CSMD1: variants seen among roughly 807,000 people sequenced by gnomAD.
The protein encoded by CSMD1 is CUB and sushi domain-containing protein 1.
In CSMD1, 213 loss-of-function variants were observed where a neutral mutation model predicts 417.5. That is an observed-to-expected ratio of 0.51 (90% CI 0.46 to 0.57). The LOEUF is 0.57. Ranked by LOEUF, CSMD1 falls within the 20% of genes least tolerant of loss-of-function variation. The pLI is 0.00. For synonymous variants in CSMD1, 2,862 were observed against 1,736.8 expected (o/e 1.65, Z -16.11); for missense variants, 6,923 against 4,529.7 (o/e 1.53, Z -15.17).
intron 3 of CSMD1, among the ~76,000 whole-genome samples, chr8:4,129,326 G>T (rs1323043914): frequency 3.3e-5 from 5 of 152,038 alleles, no homozygotes; most frequent in African/African-American, 7.2e-5. Flanking sequence ...TGTGGAGCCT[G>T]GGAATTCATT....
At chr8:4,475,771 C>G (rs1405613718) in intron 2 of CSMD1, among the ~76,000 whole-genome samples, 1 of 152,002 alleles carries the variant, frequency 6.6e-6, no homozygotes, top group Non-Finnish European at 1.5e-5. Flanking sequence ...CACCACCACA[C>G]ACAGCTAATT....
intron 3 of CSMD1, among the ~76,000 whole-genome samples, chr8:4,184,572 G>T (rs995939630): frequency 6.6e-6 from 1 of 152,068 alleles, no homozygotes; most frequent in Admixed American, 6.6e-5. Context: ...GAGCATGGAT[G>T]GAGCTGTAGA....
At chr8:3,380,753 C>A (rs1443050578) in intron 18 of CSMD1, among the ~76,000 whole-genome samples, 1 of 151,974 alleles carries the variant, frequency 6.6e-6, no homozygotes, top group Non-Finnish European at 1.5e-5. Context: ...GAATGCAGGG[C>A]TAGGGGAGGC....
intron 3 of CSMD1, among the ~76,000 whole-genome samples, chr8:4,149,976 T>G (rs1213713338): frequency 6.6e-6 from 1 of 152,236 alleles, no homozygotes; most frequent in Non-Finnish European, 1.5e-5. Context: ...AGTTCAGCAC[T>G]GTCACAGAGA....
At position 3,157,917 on chromosome 8, in the gene CSMD1, T is replaced by G; in HGVS notation, c.5894A>C (p.Tyr1965Ser). The G allele has an allele frequency of 1.3e-6, 2 of 1,554,666 alleles. No homozygotes were observed. Among genetic ancestry groups the G allele is most frequent in the Non-Finnish European group, 1.7e-6 (2 of 1,148,632 alleles). The change falls in exon 39 of 70, where the codon TAT (tyrosine) becomes TCT (serine). Residue 1965 changes from tyrosine (Y) to serine (S), a missense_variant. Coordinates refer to ENST00000635120, the MANE Select transcript of CSMD1 (RefSeq NM_033225.6). ...CTTACCAATGCACAGGGGAGACGGA[T>G]AGTTCCAACGGCGAACGGTCCCTGG... Reference protein sequence around the residue: ...CMPGTVRRWNYPSPLCIATCG... With the variant: ...CMPGTVRRWNSPSPLCIATCG...
At chr8:3,158,014 A>G (rs1819642847) in intron 38 of CSMD1, 48 bp from the exon 39 acceptor site, 2 of 1,394,162 alleles carry the variant, frequency 1.4e-6, no homozygotes, top group East Asian at 2.5e-5. Context: ...AAAACAGAGT[A>G]TTTAAGGATT....
intron 3 of CSMD1, among the ~76,000 whole-genome samples, chr8:4,354,399 C>T (rs921983069): frequency 7.2e-5 from 11 of 152,122 alleles, no homozygotes; most frequent in African/African-American, 2.7e-4. Flanking sequence ...TAAAATACAC[C>T]GTTCCCCAAC....
chr8:4,731,191 A>G (rs1209547859), intron 1 of CSMD1, among the ~76,000 whole-genome samples: 1 of 152,146 alleles, frequency 6.6e-6, no homozygotes, highest in African/African-American at 2.4e-5. Flanking sequence ...GAGAAATTCC[A>G]CTACTGTTTG....
At chr8:3,205,171 C>T (rs1797184286) in intron 31 of CSMD1, among the ~76,000 whole-genome samples, 1 of 152,178 alleles carries the variant, frequency 6.6e-6, no homozygotes, top group Non-Finnish European at 1.5e-5. Flanking sequence ...TCTGACCCAC[C>T]CACTACTTTA....
In CSMD1 at chr8:4,511,131, T is replaced by C. The variant is rs143594673; in HGVS notation, c.303-91066A>G. The stretch of plus-strand genomic sequence containing the variant: ...TGTGAACAGAATACCAACATAAAAT[T>C]GAACAAGTTCCCAAGAGTTTGTTAA... On this transcript the variant is annotated intron_variant, in intron 2 of 69. Transcript: ENST00000635120. Among the ~76,000 whole-genome samples the C allele has an allele frequency of 3.9e-5, 6 of 152,246 alleles. No individual in the cohort carries two copies. In the East Asian group the frequency reaches 1.2e-3, roughly 30 times the overall value.
chr8:3,379,061 A>G lies in CSMD1; in HGVS notation c.2782+8433T>C, dbSNP rs150996459. On this transcript the variant is annotated intron_variant, in intron 18 of 69. Transcript: ENST00000635120. ...AACTTCAGCAATGTCTCAGGATACA[A>G]TATCAATGTGCGAAAAGCACAAGCA... Among the ~76,000 whole-genome samples the G allele has an allele frequency of 1.7e-4, 26 of 152,344 alleles. No homozygotes were observed. In the East Asian group the frequency reaches 3.5e-3, roughly 20 times the overall value.
intron 3 of CSMD1, among the ~76,000 whole-genome samples, chr8:4,140,605 C>G (rs1443846111): frequency 6.6e-6 from 1 of 150,916 alleles, no homozygotes; most frequent in Admixed American, 6.6e-5. Flanking sequence ...GAGGTCAAGG[C>G]TGCAGTGAGC....
intron 5 of CSMD1, among the ~76,000 whole-genome samples, chr8:3,848,799 T>G (rs1451741488): frequency 2.6e-5 from 4 of 152,070 alleles, no homozygotes; most frequent in African/African-American, 4.8e-5. Flanking sequence ...AAAAAATGAT[T>G]AGCAGCGATT....
At chr8:3,608,515 G>T (rs984889726) in intron 8 of CSMD1, among the ~76,000 whole-genome samples, 2 of 152,096 alleles carry the variant, frequency 1.3e-5, no homozygotes, top group African/African-American at 4.8e-5. Context: ...TGTAATCCCA[G>T]CACTTAGGGA....
intron 3 of CSMD1, among the ~76,000 whole-genome samples, chr8:4,188,596 T>C (rs11136711): frequency 0.7 from 106,359 of 151,776 alleles, 37,446 homozygotes; most frequent in South Asian, 0.8. Flanking sequence ...TACAGTTCAC[T>C]GCAAGCTTAA....
intron 1 of CSMD1, among the ~76,000 whole-genome samples, chr8:4,832,503 G>A (rs150507638): frequency 6.6e-6 from 1 of 152,268 alleles, no homozygotes; most frequent in Non-Finnish European, 1.5e-5. Flanking sequence ...ACTTCTCTAG[G>A]CAGAAGGAAC....
intron 1 of CSMD1, among the ~76,000 whole-genome samples, chr8:4,866,949 C>A (rs776224612): frequency 6.6e-6 from 1 of 151,912 alleles, no homozygotes; most frequent in Non-Finnish European, 1.5e-5. Flanking sequence ...TTGCACCAAC[C>A]TATATGGAAC....
At chr8:3,954,271 G>C (rs760801537) in intron 5 of CSMD1, among the ~76,000 whole-genome samples, 2 of 152,208 alleles carry the variant, frequency 1.3e-5, no homozygotes, top group African/African-American at 4.8e-5. Context: ...AAAGACCTTA[G>C]AACAGGAAAG....
At chr8:4,660,114 C>CAAAAA in intron 1 of CSMD1, among the ~76,000 whole-genome samples, 1 of 122,854 alleles carries the variant, frequency 8.1e-6, no homozygotes, top group Non-Finnish European at 1.8e-5. Flanking sequence ...TCAACCAGTG[C>CAAAAA]AAAAAAAAAA....
Sources: allele counts gnomAD v4.1 joint callset (sites outside exome capture counted in the v4.1 genomes callset), GRCh38; gene constraint gnomAD v4.1.1; transcripts MANE v1.5; gene names NCBI Gene and HGNC (gene_info 2026-07-23, HGNC 2026-07-21).